Variants in TSPAN4 observed in about 807,000 individuals in gnomAD.
TSPAN4 encodes the protein tetraspanin-4.
TSPAN4 carries 38 observed loss-of-function variants against 31.5 expected under a neutral mutation model. The observed-to-expected ratio is 1.21, with a 90% CI of 0.93 to 1.58. The LOEUF (loss-of-function observed/expected upper bound fraction) is 1.58. Among genes scored for constraint, TSPAN4 ranks in the 40% most tolerant of loss-of-function variants. The pLI, the probability that TSPAN4 is intolerant of heterozygous loss-of-function variation, is 0.00. For missense variants in TSPAN4, 330 were observed against 317.3 expected (o/e 1.04, Z -0.30); for synonymous variants, 186 against 144.6 (o/e 1.29, Z -2.06).
At chr11:864,137 T>G in intron 4 of TSPAN4, 1 of 484,240 alleles carries the variant, frequency 2.1e-6, no homozygotes, top group Non-Finnish European at 3.8e-6. Flanking sequence ...GAACAGGGAT[T>G]TGTGCCCACT....
In TSPAN4 at chr11:866,146, T is replaced by C. The variant is rs1021444295; in HGVS notation, c.648+145T>C. On this transcript the variant is annotated intron_variant, in intron 8 of 8. Transcript: ENST00000397397. ...AAGCAGGAGGGCGAGTTCAGGGGGA[T>C]GGGCAGGGACGGCCTGTGGGGACAG... 3.5e-5 allele frequency: 30 copies of C among 853,546 alleles called. No individual in the cohort carries two copies. The African/African-American group carries it at 4.9e-4, about 14-fold the overall frequency. The allele number at this position is 853,546 out of a possible 1,614,324, so 52.9% of individuals were successfully genotyped here.
chr11:856,916 A>G (rs1481029854), intron 3 of TSPAN4: 1 of 152,218 alleles, frequency 6.6e-6, no homozygotes, highest in Non-Finnish European at 1.5e-5. Flanking sequence ...ACGTGCACGC[A>G]TTTTATCTGT....
In TSPAN4 at chr11:848,798, G is replaced by A; in HGVS notation, c.-17-1490G>A. The A allele has an allele frequency of 1.7e-6, 1 of 603,220 alleles. No homozygotes were observed. Among genetic ancestry groups the A allele is most frequent in the South Asian group, 2.0e-5 (1 of 50,914 alleles). The allele number at this position is 603,220 out of a possible 1,614,324, so 37.4% of individuals were successfully genotyped here. A position where few individuals can be genotyped will look rare whatever the true frequency, so the allele number is the denominator to read the frequency against. On this transcript the variant is annotated intron_variant, in intron 2 of 8. Transcript: ENST00000397397. This position sits in a 1 kb window ranked among gnomAD's most constrained non-coding sequence, Gnocchi z 5.7. ...GCAGGGCCCTTGTGCCCTGTGGTGG[G>A]GCTGGGGCTTCAGAGGCGTGGGGTA... is the stretch of plus-strand genomic sequence containing the variant.
intron 2 of TSPAN4, chr11:849,024 G>A: frequency 1.7e-6 from 1 of 592,344 alleles, no homozygotes. Context: ...TGGGCCCCTT[G>A]TTTAAAAATT....
chr11:848,966 G>T lies in TSPAN4; in HGVS notation c.-17-1322G>T. On this transcript the variant is annotated intron_variant, in intron 2 of 8. Transcript: ENST00000397397. The surrounding 1 kb of genome is among the most constrained non-coding windows in gnomAD (Gnocchi z 5.7). The stretch of plus-strand genomic sequence containing the variant: ...TGTACCTGTCAAGGGGTGGGGTGGG[G>T]TCTTTTACAGGCTGACTTCCAGCCT... 1.5e-6 allele frequency: 1 copy of T among 672,616 alleles called. No individual in the cohort carries two copies. Among genetic ancestry groups the T allele is most frequent in the South Asian group, 1.6e-5 (1 of 61,866 alleles). 41.7% of individuals were successfully genotyped at this position (672,616 alleles called of 1,614,324 possible). A position where few individuals can be genotyped will look rare whatever the true frequency, so the allele number is the denominator to read the frequency against.
intron 3 of TSPAN4, among the ~76,000 whole-genome samples, chr11:860,845 G>C (rs574183402): frequency 2.0e-4 from 30 of 152,300 alleles, no homozygotes; most frequent in African/African-American, 7.0e-4. Flanking sequence ...GTCCTGTCCA[G>C]TCCAGGGTGG....
At chr11:853,372 C>G (rs1044986833) in intron 3 of TSPAN4, among the ~76,000 whole-genome samples, 9 of 152,200 alleles carry the variant, frequency 5.9e-5, no homozygotes, top group African/African-American at 2.2e-4. Context: ...GGCCTGAGCC[C>G]CCCTCCACAC....
At chr11:862,258 G>T (rs911250371) in intron 3 of TSPAN4, 2 of 425,152 alleles carry the variant, frequency 4.7e-6, no homozygotes, top group African/African-American at 4.1e-5. Flanking sequence ...CCAGGCCAGG[G>T]GTTGGGCGGA....
chr11:850,202 C>T (rs1847587203), intron 2 of TSPAN4, 86 bp from the exon 3 acceptor site: 2 of 1,159,788 alleles, frequency 1.7e-6, no homozygotes, highest in Non-Finnish European at 2.4e-6. Flanking sequence ...ACCCCGGCCC[C>T]AAGGCGGCCC....
In TSPAN4 at chr11:865,836, C is replaced by A. The variant is rs1848753509; in HGVS notation, c.564+11C>A. On this transcript the variant is annotated intron_variant, in intron 7 of 8. Transcript: ENST00000397397. ...ACCTGGTGGAAGGCGGTGAGTGAGA[C>A]CCCCACCCTGGGGGCTGGTAGGGGC... 6 of 1,612,058 alleles carry A rather than the reference C, an allele frequency of 3.7e-6. No homozygotes were observed. The highest frequency in any genetic ancestry group is 1.7e-5 in the Admixed American group (1 of 59,880).
chr11:854,249 C>T (rs1427319818), intron 3 of TSPAN4, among the ~76,000 whole-genome samples: 2 of 152,214 alleles, frequency 1.3e-5, no homozygotes, highest in African/African-American at 4.8e-5. Flanking sequence ...CCTTTCTCTT[C>T]ACCCGCAGCA....
intron 2 of TSPAN4, 63 bp from the exon 3 acceptor site, chr11:850,225 C>T: frequency 2.9e-6 from 4 of 1,365,052 alleles, no homozygotes; most frequent in Non-Finnish European, 3.0e-6. Context: ...GCGCGCTACA[C>T]GTCGCCCAAG....
intron 3 of TSPAN4, among the ~76,000 whole-genome samples, chr11:852,026 C>T (rs1207704636): frequency 2.6e-5 from 4 of 152,160 alleles, no homozygotes; most frequent in Non-Finnish European, 5.9e-5. Flanking sequence ...AGCCTCCATT[C>T]CTACCGCATG....
Position 850,295 on chromosome 11 carries a change from G to A in TSPAN4, c.-10G>A. 1 of 1,606,870 alleles carries A rather than the reference G, an allele frequency of 6.2e-7. No individual in the cohort carries two copies. The highest frequency in any genetic ancestry group is 8.5e-7 in the Non-Finnish European group (1 of 1,178,172). On this transcript the variant is annotated 5_prime_UTR_variant, in exon 3 of 9. Coordinates refer to ENST00000397397, the MANE Select transcript of TSPAN4 (RefSeq NM_003271.5). ...CCTTCATCTTCCTCCTAGAACTGAA[G>A]CGCTGCGGCATGGCGCGCGCCTGCC...
intron 2 of TSPAN4, among the ~76,000 whole-genome samples, chr11:849,111 C>G (rs571229461): frequency 6.5e-4 from 99 of 152,348 alleles, no homozygotes; most frequent in African/African-American, 2.2e-3. Context: ...TTGAAGCCGG[C>G]CCCGCTCCCG....
intron 3 of TSPAN4, among the ~76,000 whole-genome samples, chr11:856,371 A>G (rs922720836): frequency 3.3e-5 from 5 of 151,556 alleles, no homozygotes; most frequent in African/African-American, 1.2e-4. Flanking sequence ...GGTTCTGGGC[A>G]GTGGACAGTG....
intron 3 of TSPAN4, among the ~76,000 whole-genome samples, chr11:852,496 C>A (rs1403039185): frequency 2.6e-5 from 4 of 152,224 alleles, no homozygotes; most frequent in Admixed American, 6.5e-5. Context: ...TGGCCCCCCC[C>A]AACCCTGGGC....
At chr11:860,879 C>T (rs528595888) in intron 3 of TSPAN4, among the ~76,000 whole-genome samples, 23 of 152,290 alleles carry the variant, frequency 1.5e-4, no homozygotes, top group East Asian at 3.9e-4. Context: ...CAGGGCTGCG[C>T]GGCCCTTCCC....
chr11:865,630 G>T lies in TSPAN4; in HGVS notation c.432+16G>T. On this transcript the variant is annotated intron_variant, in intron 6 of 8. Coordinates refer to ENST00000397397, the MANE Select transcript of TSPAN4 (RefSeq NM_003271.5). Reference sequence around the variant, plus strand: ...CCAGACCGACGTGAGGCGTGGGCAGGTGGGCGGGGTCGGCGGGTGCCCCCT... The same window carrying T: ...CCAGACCGACGTGAGGCGTGGGCAGTTGGGCGGGGTCGGCGGGTGCCCCCT... The T allele has an allele frequency of 6.2e-7, 1 of 1,612,686 alleles. No individual in the cohort carries two copies. The highest frequency in any genetic ancestry group is 8.5e-7 in the Non-Finnish European group (1 of 1,179,808).
Sources: allele counts gnomAD v4.1 joint callset (sites outside exome capture counted in the v4.1 genomes callset), GRCh38; gene constraint gnomAD v4.1.1; non-coding constraint Gnocchi (gnomAD v3.1); transcripts MANE v1.5; gene names NCBI Gene and HGNC (gene_info 2026-07-23, HGNC 2026-07-21).